Variants in ASIC2 observed in about 807,000 individuals in gnomAD.
ASIC2 encodes the protein acid sensing ion channel subunit 2.
In ASIC2, 25 loss-of-function variants were observed where a neutral mutation model predicts 57.3. The observed-to-expected ratio is 0.44, with a 90% CI of 0.32 to 0.61. The LOEUF (loss-of-function observed/expected upper bound fraction) is 0.61, where lower values mean the gene tolerates loss of function less well. Ranked by LOEUF, ASIC2 falls within the 20% of genes least tolerant of loss-of-function variation. The probability of loss-of-function intolerance (pLI) is 0.06; values close to 1 mark genes in which losing one functional copy is unlikely to be tolerated. For missense variants in ASIC2, 641 were observed against 738.1 expected (o/e 0.87, Z 1.52); for synonymous variants, 319 against 307.5 (o/e 1.04, Z -0.39).
At chr17:33,312,051 G>A (rs948100563) in intron 1 of ASIC2, among the ~76,000 whole-genome samples, 6 of 152,174 alleles carry the variant, frequency 3.9e-5, no homozygotes, top group African/African-American at 1.4e-4. Flanking sequence ...AAAGACCTAG[G>A]TTTGAATATC....
intron 1 of ASIC2, among the ~76,000 whole-genome samples, chr17:34,044,419 G>A (rs532661516): frequency 3.3e-5 from 5 of 152,234 alleles, no homozygotes; most frequent in South Asian, 4.1e-4. Flanking sequence ...CCTTAATCTC[G>A]AGGGCTGCAA....
At chr17:34,109,448 G>GT (rs1258231763) in intron 1 of ASIC2, among the ~76,000 whole-genome samples, 6 of 152,084 alleles carry the variant, frequency 3.9e-5, no homozygotes, top group Admixed American at 3.3e-4. Context: ...CAAGACAAAG[G>GT]TAAGTGTACA....
chr17:33,255,388 GA>G (rs1434958369), intron 1 of ASIC2, among the ~76,000 whole-genome samples: 1 of 151,816 alleles, frequency 6.6e-6, no homozygotes, highest in East Asian at 1.9e-4. Context: ...AAAGAAACTG[GA>G]AAAAAAGAGA....
chr17:33,275,634 C>T (rs1904673872), intron 1 of ASIC2, among the ~76,000 whole-genome samples: 1 of 152,166 alleles, frequency 6.6e-6, no homozygotes, highest in Admixed American at 6.5e-5. Context: ...TTACCTTTCC[C>T]TAGAGTTGTG....
intron 1 of ASIC2, among the ~76,000 whole-genome samples, chr17:33,611,165 C>A (rs926317672): frequency 2.0e-5 from 3 of 152,200 alleles, no homozygotes; most frequent in African/African-American, 7.2e-5. Context: ...CTGGTGCTGC[C>A]TGGTCCCCTT....
At chr17:33,907,830 C>T (rs956932456) in intron 1 of ASIC2, among the ~76,000 whole-genome samples, 1 of 152,126 alleles carries the variant, frequency 6.6e-6, no homozygotes, top group Non-Finnish European at 1.5e-5. Flanking sequence ...ATTGTAGGCT[C>T]TTATTTAATG....
In ASIC2 at chr17:33,610,054, G is replaced by GCACACACACACACA. The variant is rs57533251; in HGVS notation, c.556-498001_556-497988dup. Reference sequence around the variant, plus strand: ...CTTCACTGGGACCCTGGACAGAGGCGCACACACACACACACACACACACAC... The same window carrying GCACACACACACACA: ...CTTCACTGGGACCCTGGACAGAGGCGCACACACACACACACACACACACACACACACACACACAC... On this transcript the variant is annotated intron_variant, in intron 1 of 9. Coordinates refer to the ASIC2 transcript ENST00000359872. Among the ~76,000 whole-genome samples the GCACACACACACACA allele has an allele frequency of 1.4e-3, 208 of 144,844 alleles. 1 individual carries two copies. Among genetic ancestry groups the GCACACACACACACA allele is most frequent in the South Asian group, 0.012 (54 of 4,398 alleles).
chr17:33,013,921 C>A lies in ASIC2; in HGVS notation c.*44G>T. On this transcript the variant is annotated 3_prime_UTR_variant, in exon 10 of 10. Coordinates refer to ENST00000225823, the MANE Select transcript of ASIC2 (RefSeq NM_183377.2). The stretch of plus-strand genomic sequence containing the variant: ...GCTGTTCCTTGTCCTGGGTCTTGGG[C>A]CTCAAGGTCTGTTTGGAGGGAGTGC... 1 of 1,480,790 alleles carries A rather than the reference C, an allele frequency of 6.8e-7. No individual in the cohort carries two copies. Among genetic ancestry groups the A allele is most frequent in the African/African-American group, 1.4e-5 (1 of 71,644 alleles). The allele number at this position is 1,480,790 out of a possible 1,614,324, so 91.7% of individuals were successfully genotyped here.
chr17:34,083,138 C>CTAG (rs1909961058), intron 1 of ASIC2, among the ~76,000 whole-genome samples: 1 of 151,116 alleles, frequency 6.6e-6, no homozygotes, highest in Non-Finnish European at 1.5e-5. Context: ...CGTCATCTAG[C>CTAG]ATTAGGTATA....
In ASIC2 at chr17:33,923,095, C is replaced by A. The variant is rs994981590; in HGVS notation, c.555+232883G>T. Among the ~76,000 whole-genome samples the A allele has an allele frequency of 2.0e-5, 3 of 152,162 alleles. No individual in the cohort carries two copies. The South Asian group carries it at 6.2e-4, about 32-fold the overall frequency. On this transcript the variant is annotated intron_variant, in intron 1 of 9. Transcript: ENST00000359872. The stretch of plus-strand genomic sequence containing the variant: ...AACAGGAAAGCAAGAGCACATGGAA[C>A]CTGCGGGATTCCTGGAGCTCGGGAG...
At chr17:33,270,783 C>T (rs1047880531) in intron 1 of ASIC2, among the ~76,000 whole-genome samples, 1 of 152,250 alleles carries the variant, frequency 6.6e-6, no homozygotes, top group South Asian at 2.1e-4. Context: ...GTGTGTCTTA[C>T]TGACGATGAC....
rs562132115 is a variant in ASIC2 at position 33,326,354 on chromosome 17, G to A, written c.556-214287C>T. Among the ~76,000 whole-genome samples, 59 of 152,244 alleles carry A rather than the reference G, an allele frequency of 3.9e-4. 1 individual carries two copies. In the South Asian group the frequency reaches 0.011, roughly 29 times the overall value. ...CTGGGCTCTGTGACCACCAGTTCAC[G>A]CATCTTTCCCAACTATCCCTCATTG... On this transcript the variant is annotated intron_variant, in intron 1 of 9. Coordinates refer to the ASIC2 transcript ENST00000359872.
intron 1 of ASIC2, among the ~76,000 whole-genome samples, chr17:33,529,388 G>A (rs958870933): frequency 3.9e-5 from 6 of 152,124 alleles, no homozygotes; most frequent in Non-Finnish European, 5.9e-5. Flanking sequence ...TACAGAGCGC[G>A]TTTCTTCATG....
chr17:33,062,861 A>G (rs554017362), intron 3 of ASIC2, among the ~76,000 whole-genome samples: 12 of 137,008 alleles, frequency 8.8e-5, no homozygotes, highest in South Asian at 6.9e-4. Context: ...TTGGGTGCAT[A>G]TATATTTAGG....
chr17:33,630,415 C>T (rs1906126957), intron 1 of ASIC2, among the ~76,000 whole-genome samples: 1 of 152,126 alleles, frequency 6.6e-6, no homozygotes, highest in South Asian at 2.1e-4. Context: ...CTCCATAAAG[C>T]CTTTCCTGCC....
At chr17:33,161,286 T>G (rs1198314463) in intron 1 of ASIC2, among the ~76,000 whole-genome samples, 2 of 152,208 alleles carry the variant, frequency 1.3e-5, no homozygotes, top group African/African-American at 2.4e-5. Context: ...TTGTCTTCCT[T>G]TATATGCTCC....
intron 3 of ASIC2, among the ~76,000 whole-genome samples, chr17:33,054,333 G>A (rs1425720112): frequency 1.3e-5 from 2 of 152,092 alleles, no homozygotes; most frequent in Admixed American, 6.5e-5. Flanking sequence ...GGACTCTGTC[G>A]CTGCCAAACC....
intron 3 of ASIC2, among the ~76,000 whole-genome samples, chr17:33,033,276 G>C (rs934853063): frequency 6.6e-6 from 1 of 152,178 alleles, no homozygotes; most frequent in Admixed American, 6.5e-5. Context: ...GGCTACAGCC[G>C]CCCAAACTGC....
intron 3 of ASIC2, among the ~76,000 whole-genome samples, chr17:33,058,803 C>G (rs1455317669): frequency 1.3e-5 from 2 of 152,072 alleles, no homozygotes; most frequent in South Asian, 4.2e-4. Flanking sequence ...TAAAATTAGC[C>G]TAATAAAATA....
Sources: allele counts gnomAD v4.1 joint callset (sites outside exome capture counted in the v4.1 genomes callset), GRCh38; gene constraint gnomAD v4.1.1; transcripts MANE v1.5; gene names NCBI Gene and HGNC (gene_info 2026-07-23, HGNC 2026-07-21).